The following PI4KB variants were observed in gnomAD, a reference collection of about 807,000 sequenced individuals.
The protein encoded by PI4KB is PtdIns 4-kinase beta.
A neutral mutation model predicts 81.4 loss-of-function variants in PI4KB; 23 were observed. That is an observed-to-expected ratio of 0.28 (90% CI 0.20 to 0.40). The LOEUF (loss-of-function observed/expected upper bound fraction) is 0.40. PI4KB is among the 10% of genes least tolerant of loss of function. PI4KB has a pLI of 1.00. For missense variants in PI4KB, 651 were observed against 1,036.6 expected (o/e 0.63, Z 5.11); for synonymous variants, 381 against 406.8 (o/e 0.94, Z 0.76).
chr1:151,327,548 G>A (rs1649844023), upstream of PI4KB: 3 of 392,432 alleles, frequency 7.6e-6, no homozygotes, highest in Admixed American at 4.4e-5. Context: ...AAATTCCCCA[G>A]CAGGTCTCGA....
intron 3 of PI4KB, among the ~76,000 whole-genome samples, chr1:151,310,000 C>G (rs1696075329): frequency 6.6e-6 from 1 of 152,172 alleles, no homozygotes; most frequent in Non-Finnish European, 1.5e-5. Flanking sequence ...ATCAGCTGAG[C>G]TCATCTCAGC....
rs1327919651 is a variant in PI4KB, at chr1:151,316,006, T to C, written c.476A>G (p.Tyr159Cys). The change falls in exon 2 of 12, where the codon TAC (tyrosine) becomes TGC (cysteine). Residue 159 changes from tyrosine to cysteine, a missense_variant. Tyr to Cys is a radical substitution (Grantham distance 194). Coordinates refer to ENST00000368873, the MANE Select transcript of PI4KB (RefSeq NM_001369623.2). ...YNSKEPGVQA[Y>C]IGNRLFCFRN... The stretch of plus-strand genomic sequence containing the variant: ...AAAGCAGAAGAGCCGGTTGCCAATG[T>C]AGGCTTGTACTCCAGGCTCCTTGGA... 7 of 1,613,732 alleles carry C rather than the reference T, an allele frequency of 4.3e-6. No individual in the cohort carries two copies. The highest frequency in any genetic ancestry group is 2.2e-5 in the East Asian group (1 of 44,882).
chr1:151,303,075 T>C (rs1695438928), intron 6 of PI4KB, among the ~76,000 whole-genome samples: 2 of 145,514 alleles, frequency 1.4e-5, no homozygotes, highest in Non-Finnish European at 3.0e-5. Flanking sequence ...CTCGGCTCAC[T>C]GCAAGCTCCG....
chr1:151,317,122 G>A (rs1457851291), intron 1 of PI4KB, among the ~76,000 whole-genome samples: 1 of 148,900 alleles, frequency 6.7e-6, no homozygotes, highest in East Asian at 2.0e-4. Flanking sequence ...ACTGCACCTG[G>A]CCTACATTTA....
At chr1:151,293,282 C>T in intron 11 of PI4KB, 1 of 1,394,236 alleles carries the variant, frequency 7.2e-7, no homozygotes, top group South Asian at 1.4e-5. Flanking sequence ...CACCACATCT[C>T]CCTCAGTAAG....
intron 6 of PI4KB, among the ~76,000 whole-genome samples, chr1:151,302,595 G>C (rs1390476857): frequency 1.6e-5 from 1 of 62,726 alleles, no homozygotes. Flanking sequence ...TTTTTTTTTT[G>C]AGATAAGAAT....
rs912898806 is a variant in PI4KB, at chr1:151,315,945, C to T, written c.537G>A (p.Leu179=). The change falls in exon 2 of 12, where the codon TTG becomes TTA. Residue 179 remains leucine (L), a synonymous_variant. Transcript: ENST00000368873. ...CATCCATGTGGATGTACATGTTAAG[C>T]AACTGGGGCAGATAGAAGTCCACGT... ...NEDVDFYLPQ[L]LNMYIHMDED... 5.6e-6 allele frequency: 9 copies of T among 1,612,898 alleles called. No homozygotes were observed. The highest frequency in any genetic ancestry group is 2.7e-5 in the African/African-American group (2 of 74,864).
Position 151,317,009 on chromosome 1 carries a change from T to G in PI4KB, c.-28-500A>C, listed in dbSNP as rs11204802. ...AGCTAATTTTGTTTTGTATTTTTAGTAGACACACGGTTTCACCATGTTAGC... is the reference window on the plus strand; with the variant it reads ...AGCTAATTTTGTTTTGTATTTTTAGGAGACACACGGTTTCACCATGTTAGC... On this transcript the variant is annotated intron_variant, in intron 1 of 11. Coordinates refer to ENST00000368873, the MANE Select transcript of PI4KB (RefSeq NM_001369623.2). 6.9e-3 allele frequency among the ~76,000 whole-genome samples: 1,044 copies of G among 152,100 alleles called. 13 individuals are homozygous for G. The highest frequency in any genetic ancestry group is 0.023 in the African/African-American group (974 of 41,448).
In PI4KB at chr1:151,292,821, A is replaced by AC. The variant is rs774919985; in HGVS notation, c.*30dup. 7.5e-5 allele frequency: 120 copies of AC among 1,603,002 alleles called. 2 individuals carry two copies. The South Asian group carries it at 1.2e-3, about 16-fold the overall frequency. On this transcript the variant is annotated 3_prime_UTR_variant, in exon 12 of 12. Transcript: ENST00000368873. ...GGGCCCTCTAGGGAGGGTGCCCTGG[A>AC]CCCCCCACCACTCCTGGGCTGAGGA...
At chr1:151,319,280 C>T (rs1194006243) in intron 1 of PI4KB, among the ~76,000 whole-genome samples, 7 of 149,522 alleles carry the variant, frequency 4.7e-5, no homozygotes, top group Non-Finnish European at 8.9e-5. Context: ...TCAAGACCAG[C>T]GAGACTCTGT....
chr1:151,311,429 T>C (rs1489355238), intron 2 of PI4KB, among the ~76,000 whole-genome samples: 2 of 152,228 alleles, frequency 1.3e-5, no homozygotes, highest in South Asian at 2.1e-4. Context: ...GGAGGTCCTA[T>C]AGTCAGGTCC....
intron 2 of PI4KB, among the ~76,000 whole-genome samples, chr1:151,314,783 G>A (rs980127179): frequency 2.0e-5 from 3 of 152,170 alleles, no homozygotes; most frequent in Non-Finnish European, 2.9e-5. Context: ...ATGAGGAGGA[G>A]TGGCCAGGAG....
At chr1:151,324,653 G>T in intron 1 of PI4KB, 1 of 446,142 alleles carries the variant, frequency 2.2e-6, no homozygotes, top group Non-Finnish European at 3.0e-6. Context: ...GAGCCATGGA[G>T]CTGGTATAAG....
At position 151,298,893 on chromosome 1, in the gene PI4KB, C is replaced by A; in HGVS notation, c.1930G>T (p.Glu644Ter). Residue 644 changes from glutamate (E) to a stop codon, truncating the protein, a stop_gained, in exon 9 of 12, where the codon GAG (glutamate) becomes TAG (stop). Transcript: ENST00000368873. LOFTEE classifies it high-confidence loss of function. ...TTGCGCTGTGCACTGAGGAATGCCTCAGTGGTGTAACTGCCGTGCTCCTGT... is the reference window on the plus strand; with the variant it reads ...TTGCGCTGTGCACTGAGGAATGCCTAAGTGGTGTAACTGCCGTGCTCCTGT... The part of the protein sequence containing the change: ...FLQEHGSYTT[E>*]AFLSAQRNFV... The A allele has an allele frequency of 6.2e-7, 1 of 1,614,168 alleles. No individual in the cohort carries two copies. Among genetic ancestry groups the A allele is most frequent in the Non-Finnish European group, 8.5e-7 (1 of 1,180,008 alleles).
At chr1:151,303,724 A>G in intron 5 of PI4KB, 74 bp from the exon 6 acceptor site, 1 of 928,094 alleles carries the variant, frequency 1.1e-6, no homozygotes, top group Admixed American at 1.7e-5. Context: ...CTTGCTTGCT[A>G]TCACTGCAGC....
intron 1 of PI4KB, among the ~76,000 whole-genome samples, chr1:151,318,451 G>A (rs1333019608): frequency 2.0e-5 from 3 of 149,442 alleles, no homozygotes; most frequent in Admixed American, 6.7e-5. Context: ...GGTGGCTCAC[G>A]CCTGTAATCC....
At position 151,316,126 on chromosome 1, in the gene PI4KB, C is replaced by T. The variant is rs900967912; in HGVS notation, c.356G>A (p.Arg119Gln). 9 of 1,614,098 alleles carry T rather than the reference C, an allele frequency of 5.6e-6. No individual in the cohort carries two copies. The highest frequency in any genetic ancestry group is 1.3e-5 in the African/African-American group (1 of 75,050). ...ASGTAKGARRRRQNNSAKQSW... is the reference protein window; with the variant it reads ...ASGTAKGARRQRQNNSAKQSW... ...CTGTTTAGCTGAGTTGTTCTGCCGC[C>T]GTCTTCTTGCTCCTTTGGCTGTGCC... is the stretch of plus-strand genomic sequence containing the variant. Residue 119 changes from arginine to glutamine, a missense_variant, in exon 2 of 12, where the codon CGG becomes CAG. Arg to Gln is a conservative substitution (Grantham distance 43). Coordinates refer to ENST00000368873, the MANE Select transcript of PI4KB (RefSeq NM_001369623.2).
At chr1:151,316,660 A>ACGGC in intron 1 of PI4KB, 151 bp from the exon 2 acceptor site, 2 of 528,844 alleles carry the variant, frequency 3.8e-6, no homozygotes, top group South Asian at 3.7e-5. Context: ...TCAGATAAGA[A>ACGGC]GACATATCCT....
intron 9 of PI4KB, among the ~76,000 whole-genome samples, chr1:151,295,965 G>A (rs966455235): frequency 5.3e-5 from 8 of 152,182 alleles, no homozygotes; most frequent in Non-Finnish European, 1.0e-4. Context: ...TGCATTCTCG[G>A]CCGGATGCAG....
Sources: allele counts gnomAD v4.1 joint callset (sites outside exome capture counted in the v4.1 genomes callset), GRCh38; gene constraint gnomAD v4.1.1; transcripts MANE v1.5; gene names NCBI Gene and HGNC (gene_info 2026-07-23, HGNC 2026-07-21).